The following MACF1 variants were observed in gnomAD, a reference collection of about 807,000 sequenced individuals.
MACF1 encodes the protein microtubule-actin cross-linking factor 1.
In MACF1, 193 loss-of-function variants were observed where a neutral mutation model predicts 854.8. That is an observed-to-expected ratio of 0.23 (90% CI 0.20 to 0.25). The LOEUF is 0.25. Ranked by LOEUF, MACF1 falls within the 10% of genes least tolerant of loss-of-function variation. The pLI, the probability that MACF1 is intolerant of heterozygous loss-of-function variation, is 1.00. For missense variants in MACF1, 7,722 were observed against 8,929.1 expected, an observed-to-expected ratio of 0.86 and a Z score of 5.45; for synonymous variants, 3,185 against 3,226.7, an observed-to-expected ratio of 0.99 and a Z score of 0.44.
chr1:39,412,651 G>A (rs750999920), intron 58 of MACF1: 37 of 1,613,890 alleles, frequency 2.3e-5, no homozygotes, highest in Non-Finnish European at 3.1e-5. Context: ...AGAGGGAGGG[G>A]AGATGGAAAG....
chr1:39,334,855 C>T lies in MACF1; in HGVS notation c.8267C>T (p.Ala2756Val). The T allele has an allele frequency of 6.2e-7, 1 of 1,614,096 alleles. No individual in the cohort carries two copies. The highest frequency in any genetic ancestry group is 8.5e-7 in the Non-Finnish European group (1 of 1,180,004). The change falls in exon 37 of 101, where the codon GCA becomes GTA. Residue 2756 changes from alanine to valine, a missense_variant. Coordinates refer to ENST00000564288, the MANE Select transcript of MACF1 (RefSeq NM_001394062.1). ...IEKRLISPEL[A>V]NMIQIDSSEF... ...AAAAGACTGATCAGCCCTGAACTGG[C>T]AAATATGATCCAAATAGATAGTTCA...
At chr1:39,189,618 C>T (rs1307921555) in intron 2 of MACF1, among the ~76,000 whole-genome samples, 1 of 152,180 alleles carries the variant, frequency 6.6e-6, no homozygotes, top group Non-Finnish European at 1.5e-5. Context: ...AGTGTTTACT[C>T]TTCTTATTTC....
At chr1:39,213,866 G>T (rs757547569) in intron 1 of MACF1, among the ~76,000 whole-genome samples, 2 of 152,166 alleles carry the variant, frequency 1.3e-5, no homozygotes, top group Non-Finnish European at 2.9e-5. Flanking sequence ...GTCTAGGCGG[G>T]ATAAAGTCAG....
intron 58 of MACF1, among the ~76,000 whole-genome samples, chr1:39,419,772 A>G (rs151028918): frequency 0.018 from 2,716 of 150,476 alleles, 91 homozygotes; most frequent in African/African-American, 0.064. Context: ...AGCTGGGACT[A>G]CAGGCGTGCG....
intron 61 of MACF1, 118 bp downstream of exon 61, chr1:39,424,312 T>C: frequency 1.3e-6 from 1 of 771,436 alleles, no homozygotes. Flanking sequence ...TTTAATGGCT[T>C]TTATTTGAAA....
At chr1:39,130,120 C>T (rs1642961013) in intron 2 of MACF1, among the ~76,000 whole-genome samples, 1 of 152,136 alleles carries the variant, frequency 6.6e-6, no homozygotes, top group Non-Finnish European at 1.5e-5. Context: ...GGTACCTGCC[C>T]CCGAAGGGGA....
chr1:39,438,067 A>G, intron 71 of MACF1, 59 bp downstream of exon 71: 13 of 1,436,524 alleles, frequency 9.0e-6, no homozygotes, highest in Non-Finnish European at 1.2e-5. Context: ...GGCTGTGGTT[A>G]TCTTCAGCAT....
chr1:39,333,270 G>A lies in MACF1; in HGVS notation c.6682G>A (p.Glu2228Lys). The change falls in exon 37 of 101, where the codon GAA becomes AAA. Residue 2228 changes from glutamate to lysine, a missense_variant. This residue lies in a region of MACF1 where 1,531 missense variants were observed against 1,601.6 expected (regional missense o/e 0.96). Transcript: ENST00000564288. ...DGNVHPLDKK[E>K]MLKKTFLAKD... ...GAATGTTCATCCTCTGGACAAAAAG[G>A]AAATGTTAAAGAAAACATTTCTGGC... 1 of 1,614,000 alleles carries A rather than the reference G, an allele frequency of 6.2e-7. No homozygotes were observed. Among genetic ancestry groups the A allele is most frequent in the Non-Finnish European group, 8.5e-7 (1 of 1,180,014 alleles).
In MACF1 at chr1:39,387,659, G is replaced by A. The variant is rs763059804; in HGVS notation, c.14817G>A (p.Glu4939=). 1.8e-5 allele frequency: 29 copies of A among 1,614,074 alleles called. No individual in the cohort carries two copies. The Admixed American group carries it at 4.0e-4, about 22-fold the overall frequency. Reference sequence around the variant, plus strand: ...TCACTCTGGATCCAGTGCAGCTAGAGTCCAGTCTCCTAAGATCAAAGGCTA... The same window carrying A: ...TCACTCTGGATCCAGTGCAGCTAGAATCCAGTCTCCTAAGATCAAAGGCTA... ...LRVTLDPVQL[E]SSLLRSKAML... The change falls in exon 58 of 101, where the codon GAG becomes GAA. Residue 4939 remains glutamate (E), a synonymous_variant. Coordinates refer to ENST00000564288, the MANE Select transcript of MACF1 (RefSeq NM_001394062.1).
At chr1:39,342,315 T>C (rs1646952233) in intron 40 of MACF1, among the ~76,000 whole-genome samples, 1 of 152,156 alleles carries the variant, frequency 6.6e-6, no homozygotes, top group African/African-American at 2.4e-5. Flanking sequence ...GGCATTTAGG[T>C]TGATTCCATA....
chr1:39,444,287 A>G (rs1644179799), intron 79 of MACF1, among the ~76,000 whole-genome samples: 1 of 152,118 alleles, frequency 6.6e-6, no homozygotes, highest in African/African-American at 2.4e-5. Flanking sequence ...GTAAGCCGAG[A>G]TCACTGCCAC....
chr1:39,117,160 A>G (rs988066859), intron 2 of MACF1, among the ~76,000 whole-genome samples: 3 of 152,182 alleles, frequency 2.0e-5, no homozygotes, highest in African/African-American at 7.2e-5. Flanking sequence ...CAGATGTGAT[A>G]GTGTCCTTCA....
chr1:39,439,280 A>C lies in MACF1; in HGVS notation c.18227A>C (p.Gln6076Pro). 1.2e-6 allele frequency: 2 copies of C among 1,606,566 alleles called. No homozygotes were observed. Among genetic ancestry groups the C allele is most frequent in the Non-Finnish European group, 1.7e-6 (2 of 1,173,332 alleles). The stretch of plus-strand genomic sequence containing the variant: ...CTTTTTTTAACCTCCTCAGAAATCC[A>C]GGATAAATTGGATCAAATGGTATTC... ...ADKDLAAKEI[Q>P]DKLDQMVFFW... The change falls in exon 72 of 101, where the codon CAG becomes CCG. Residue 6076 changes from glutamine (Q) to proline (P), a missense_variant. By Grantham distance (76) the Gln-to-Pro change is moderately conservative. Transcript: ENST00000564288.
intron 2 of MACF1, among the ~76,000 whole-genome samples, chr1:39,102,187 A>AAAAC (rs1353648752): frequency 1.2e-4 from 8 of 68,392 alleles, no homozygotes; most frequent in Non-Finnish European, 2.2e-4. Flanking sequence ...AAAAAGAAGA[A>AAAAC]AAAGAAAGAG....
chr1:39,100,127 G>A (rs747327594), intron 2 of MACF1, among the ~76,000 whole-genome samples: 7 of 152,128 alleles, frequency 4.6e-5, no homozygotes, highest in South Asian at 2.1e-4. Flanking sequence ...ATTGGTGGGC[G>A]CACTGAGGCA....
chr1:39,478,946 CAT>C (rs544932672), intron 97 of MACF1, among the ~76,000 whole-genome samples: 3 of 152,192 alleles, frequency 2.0e-5, no homozygotes, highest in Non-Finnish European at 2.9e-5. Flanking sequence ...AATCTAAGAA[CAT>C]ATTCCAGAGG....
chr1:39,311,061 A>G, intron 26 of MACF1, 61 bp downstream of exon 26: 1 of 1,555,624 alleles, frequency 6.4e-7, no homozygotes. Flanking sequence ...AGTTCATTGG[A>G]TGGCAAGAGT....
chr1:39,346,574 C>A (rs925412583), intron 40 of MACF1, among the ~76,000 whole-genome samples: 1 of 147,578 alleles, frequency 6.8e-6, no homozygotes, highest in Admixed American at 6.8e-5. Context: ...GGCTGGAGTG[C>A]AGTAGTGCAG....
In MACF1 at chr1:39,432,912, A is replaced by G. The variant is rs1185591653; in HGVS notation, c.17458-136A>G. 4 of 619,912 alleles carry G rather than the reference A, an allele frequency of 6.5e-6. No individual in the cohort carries two copies. The African/African-American group carries it at 7.6e-5, about 12-fold the overall frequency. The allele number at this position is 619,912 out of a possible 1,614,324, so 38.4% of individuals were successfully genotyped here. On this transcript the variant is annotated intron_variant, in intron 67 of 100. Transcript: ENST00000564288. ...AAGCTACTAAAAAGATAAGCTAGAG[A>G]AGATGTTGGATAGGCAAAGTGTCAA...
Sources: allele counts gnomAD v4.1 joint callset (sites outside exome capture counted in the v4.1 genomes callset), GRCh38; gene constraint gnomAD v4.1.1; regional missense constraint gnomAD v4.1.1; transcripts MANE v1.5; gene names NCBI Gene and HGNC (gene_info 2026-07-23, HGNC 2026-07-21).